CNTNAP2: variants seen among roughly 807,000 people sequenced by gnomAD.
The protein encoded by CNTNAP2 is contactin-associated protein-like 2.
CNTNAP2 carries 98 observed loss-of-function variants against 155.2 expected under a neutral mutation model. The observed-to-expected ratio is 0.63, with a 90% CI of 0.54 to 0.75. The LOEUF (loss-of-function observed/expected upper bound fraction) is 0.75. Among genes scored for constraint, CNTNAP2 ranks in the 30% least tolerant of loss-of-function variants. The pLI, the probability that CNTNAP2 is intolerant of heterozygous loss-of-function variation, is 0.00. For missense variants in CNTNAP2, 1,727 were observed against 1,688.1 expected, an observed-to-expected ratio of 1.02 and a Z score of -0.40; for synonymous variants, 651 against 631.2, an observed-to-expected ratio of 1.03 and a Z score of -0.47.
chr7:146,701,003 C>G (rs1165112600), intron 1 of CNTNAP2, among the ~76,000 whole-genome samples: 1 of 151,714 alleles, frequency 6.6e-6, no homozygotes, highest in Non-Finnish European at 1.5e-5. Context: ...TGTTTAGGTT[C>G]TATTTAATAT....
intron 1 of CNTNAP2, among the ~76,000 whole-genome samples, chr7:146,496,448 A>T (rs1369480692): frequency 6.6e-6 from 1 of 152,204 alleles, no homozygotes; most frequent in African/African-American, 2.4e-5. Flanking sequence ...TGGCTATTAA[A>T]AACAATGAAT....
intron 15 of CNTNAP2, among the ~76,000 whole-genome samples, chr7:148,001,242 G>T (rs1435765339): frequency 1.3e-5 from 2 of 152,182 alleles, no homozygotes; most frequent in African/African-American, 4.8e-5. Flanking sequence ...AAGAGAACAG[G>T]ATCTACTGGA....
At chr7:148,039,934 C>A (rs150697808) in intron 15 of CNTNAP2, among the ~76,000 whole-genome samples, 1 of 152,192 alleles carries the variant, frequency 6.6e-6, no homozygotes, top group African/African-American at 2.4e-5. Context: ...TAAATGGAAG[C>A]TTTATTAGGA....
At chr7:147,319,948 C>T (rs933008030) in intron 9 of CNTNAP2, among the ~76,000 whole-genome samples, 1 of 152,074 alleles carries the variant, frequency 6.6e-6, no homozygotes, top group East Asian at 1.9e-4. Context: ...GCCATGTGTT[C>T]TTTCTCACAA....
At chr7:147,658,256 C>T (rs868044083) in intron 13 of CNTNAP2, among the ~76,000 whole-genome samples, 55 of 95,216 alleles carry the variant, frequency 5.8e-4, no homozygotes, top group South Asian at 1.1e-3. Context: ...GACTCCGTCC[C>T]AAAAAAAAAA....
intron 13 of CNTNAP2, among the ~76,000 whole-genome samples, chr7:147,745,136 G>T (rs996516907): frequency 6.6e-6 from 1 of 152,184 alleles, no homozygotes; most frequent in Non-Finnish European, 1.5e-5. Flanking sequence ...TCCTTCTGCA[G>T]TGAAATTGCA....
intron 10 of CNTNAP2, among the ~76,000 whole-genome samples, chr7:147,466,337 TCA>T (rs1237180384): frequency 2.0e-5 from 3 of 152,180 alleles, no homozygotes; most frequent in Non-Finnish European, 4.4e-5. Context: ...ATACAATATA[TCA>T]ATTGTATATT....
At chr7:147,113,645 C>G (rs1800928557) in intron 5 of CNTNAP2, among the ~76,000 whole-genome samples, 1 of 152,042 alleles carries the variant, frequency 6.6e-6, no homozygotes, top group South Asian at 2.1e-4. Context: ...ATGAGAACAG[C>G]AAGGGGAACC....
chr7:147,766,111 G>C (rs1360191148), intron 13 of CNTNAP2, among the ~76,000 whole-genome samples: 1 of 152,092 alleles, frequency 6.6e-6, no homozygotes, highest in African/African-American at 2.4e-5. Flanking sequence ...GAAGTTTTTG[G>C]GGTTGATGGC....
intron 15 of CNTNAP2, among the ~76,000 whole-genome samples, chr7:148,108,552 C>G (rs1399279563): frequency 6.6e-6 from 1 of 152,044 alleles, no homozygotes; most frequent in Admixed American, 6.6e-5. Flanking sequence ...TGCTGCTCCC[C>G]GTGGTTGGAA....
rs1439024009 is a variant in CNTNAP2, at chr7:146,721,249, T to C, written c.98-53022T>C. ...ATATTCTCTATATACTCTCTCTATATTCTCTATATACTCTCTATATATTCT... is the reference window on the plus strand; with the variant it reads ...ATATTCTCTATATACTCTCTCTATACTCTCTATATACTCTCTATATATTCT... On this transcript the variant is annotated intron_variant, in intron 1 of 23. Transcript: ENST00000361727. Among the ~76,000 whole-genome samples, 342 of 121,186 alleles carry C rather than the reference T, an allele frequency of 2.8e-3. 15 individuals carry two copies. The highest frequency in any genetic ancestry group is 8.4e-3 in the East Asian group (37 of 4,382). 79.5% of individuals were successfully genotyped at this position (121,186 alleles called of 152,430 possible).
chr7:146,721,022 T>TTCTA (rs1554472269), intron 1 of CNTNAP2, among the ~76,000 whole-genome samples: 4,057 of 119,894 alleles, frequency 0.034, 423 homozygotes, highest in African/African-American at 0.16. Flanking sequence ...ACTCTATATA[T>TTCTA]TATATATACT....
intron 14 of CNTNAP2, among the ~76,000 whole-genome samples, chr7:147,904,256 G>T (rs1290468425): frequency 6.6e-6 from 1 of 152,190 alleles, no homozygotes; most frequent in Non-Finnish European, 1.5e-5. Flanking sequence ...ACCTGGAATT[G>T]TTTATAACTC....
rs1054874369 is a variant in CNTNAP2 at position 147,796,063 on chromosome 7, C to T, written c.2099-107502C>T. On this transcript the variant is annotated intron_variant, in intron 13 of 23. Transcript: ENST00000361727. Reference sequence around the variant, plus strand: ...TGGCCAGTAGCCCACAGATTATCCCCTTATGTGTAAGAGACCATGATTTGA... The same window carrying T: ...TGGCCAGTAGCCCACAGATTATCCCTTTATGTGTAAGAGACCATGATTTGA... Among the ~76,000 whole-genome samples the T allele has an allele frequency of 2.6e-5, 4 of 152,136 alleles. No individual in the cohort carries two copies. The East Asian group carries it at 5.8e-4, about 22-fold the overall frequency.
chr7:147,913,496 T>G lies in CNTNAP2; in HGVS notation c.2255+9775T>G, dbSNP rs779283263. Among the ~76,000 whole-genome samples the G allele has an allele frequency of 3.9e-4, 59 of 152,036 alleles. 1 individual carries two copies. The highest frequency in any genetic ancestry group is 7.6e-4 in the Non-Finnish European group (52 of 68,008). ...AACAAACACAAATGGTTTTTACAGCTTCAGATTTTTAGGGCCCAACAACAG... is the reference window on the plus strand; with the variant it reads ...AACAAACACAAATGGTTTTTACAGCGTCAGATTTTTAGGGCCCAACAACAG... On this transcript the variant is annotated intron_variant, in intron 14 of 23. Coordinates refer to ENST00000361727, the MANE Select transcript of CNTNAP2 (RefSeq NM_014141.6).
intron 13 of CNTNAP2, among the ~76,000 whole-genome samples, chr7:147,835,054 A>G (rs1397989431): frequency 6.6e-6 from 1 of 152,160 alleles, no homozygotes; most frequent in African/African-American, 2.4e-5. Flanking sequence ...AAGGATAAAA[A>G]AAAGAATTGC....
At chr7:146,827,898 ACTT>A (rs1803437444) in intron 2 of CNTNAP2, among the ~76,000 whole-genome samples, 1 of 152,028 alleles carries the variant, frequency 6.6e-6, no homozygotes, top group Non-Finnish European at 1.5e-5. Flanking sequence ...GACGAACATG[ACTT>A]CAGTGACTTT....
At chr7:147,381,086 C>A (rs1306744728) in intron 9 of CNTNAP2, among the ~76,000 whole-genome samples, 1 of 152,076 alleles carries the variant, frequency 6.6e-6, no homozygotes, top group Non-Finnish European at 1.5e-5. Flanking sequence ...CTAATTCAAG[C>A]AAACACTAAA....
chr7:148,414,977 C>G lies in CNTNAP2; in HGVS notation c.3797-440C>G, dbSNP rs554927085. The stretch of plus-strand genomic sequence containing the variant: ...GGGTTCTTTCTATACATAGCTCTCT[C>G]GCGCGCCCACTCTATCTCCCCTCTC... On this transcript the variant is annotated intron_variant, in intron 23 of 23. Transcript: ENST00000361727. 41 of 281,826 alleles carry G rather than the reference C, an allele frequency of 1.5e-4. No individual in the cohort carries two copies. In the South Asian group the frequency reaches 1.7e-3, roughly 11 times the overall value. 17.5% of individuals were successfully genotyped at this position (281,826 alleles called of 1,614,324 possible). A position where few individuals can be genotyped will look rare whatever the true frequency, so the allele number is the denominator to read the frequency against.
Sources: allele counts gnomAD v4.1 joint callset (sites outside exome capture counted in the v4.1 genomes callset), GRCh38; gene constraint gnomAD v4.1.1; transcripts MANE v1.5; gene names NCBI Gene and HGNC (gene_info 2026-07-23, HGNC 2026-07-21).